The following SETD2 variants were observed in gnomAD, a reference collection of about 807,000 sequenced individuals.
SETD2 encodes histone-lysine N-methyltransferase SETD2.
SETD2 carries 31 observed loss-of-function variants against 242.1 expected under a neutral mutation model. The ratio of observed to expected loss-of-function variants is 0.13; its 90% CI spans 0.10 to 0.17. SETD2 has a LOEUF of 0.17. SETD2 is among the 10% of genes least tolerant of loss of function. The probability of loss-of-function intolerance (pLI) is 1.00; values close to 1 mark genes in which losing one functional copy is unlikely to be tolerated. For missense variants in SETD2, 2,481 were observed against 3,046.3 expected (o/e 0.81, Z 4.37); for synonymous variants, 1,006 against 1,066.5 (o/e 0.94, Z 1.11).
rs1325310351 is a variant in SETD2 at position 47,097,283 on chromosome 3, T to A, written c.5142+672A>T. ...TCCAGCCAGCTGGTTCTAAAGAAAG[T>A]GATCCAAGGATCACATTTTTGAAAA... On this transcript the variant is annotated intron_variant, in intron 9 of 20. Transcript: ENST00000409792. 2.0e-5 allele frequency among the ~76,000 whole-genome samples: 3 copies of A among 152,154 alleles called. No homozygotes were observed. In the East Asian group the frequency reaches 5.8e-4, roughly 29 times the overall value.
chr3:47,061,846 C>A (rs1312161961), intron 14 of SETD2, among the ~76,000 whole-genome samples: 1 of 152,090 alleles, frequency 6.6e-6, no homozygotes, highest in East Asian at 1.9e-4. Flanking sequence ...TAAAGAATAA[C>A]CATTATCTTT....
chr3:47,094,024 C>T (rs1325712184), intron 9 of SETD2, among the ~76,000 whole-genome samples: 1 of 152,128 alleles, frequency 6.6e-6, no homozygotes, highest in Non-Finnish European at 1.5e-5. Context: ...TAGTTACACT[C>T]ATTATGCATA....
intron 12 of SETD2, among the ~76,000 whole-genome samples, chr3:47,075,404 A>G (rs951182222): frequency 2.6e-5 from 4 of 151,130 alleles, no homozygotes; most frequent in African/African-American, 9.7e-5. Context: ...TACTAAAAAT[A>G]CAAAAAGAAA....
intron 10 of SETD2, among the ~76,000 whole-genome samples, chr3:47,087,577 C>T (rs1013940341): frequency 1.3e-5 from 2 of 152,070 alleles, no homozygotes; most frequent in Admixed American, 1.3e-4. Flanking sequence ...ATTGGGGATC[C>T]CTGTACTAAT....
chr3:47,163,797 C>T, intron 1 of SETD2, 57 bp downstream of exon 1: 1 of 1,240,790 alleles, frequency 8.1e-7, no homozygotes, highest in Non-Finnish European at 1.0e-6. Context: ...GACGCGCCGC[C>T]CTCGGCTGGG....
chr3:47,099,505 ATTAG>A (rs2042128347), intron 8 of SETD2, among the ~76,000 whole-genome samples: 1 of 152,214 alleles, frequency 6.6e-6, no homozygotes, highest in South Asian at 2.1e-4. Flanking sequence ...TGAGGCACAC[ATTAG>A]TTGTCTTTTT....
intron 1 of SETD2, among the ~76,000 whole-genome samples, chr3:47,154,957 G>A (rs1235889424): frequency 2.0e-5 from 3 of 151,390 alleles, no homozygotes; most frequent in Non-Finnish European, 4.4e-5. Context: ...TCGCACCACC[G>A]CACTCCAGCC....
At chr3:47,060,242 A>G (rs952411710) in intron 14 of SETD2, among the ~76,000 whole-genome samples, 14 of 152,224 alleles carry the variant, frequency 9.2e-5, no homozygotes, top group Admixed American at 9.2e-4. Flanking sequence ...AGCTTGGGCA[A>G]CAGAGTAAGA....
At chr3:47,116,818 A>G in intron 3 of SETD2, 64 bp from the exon 4 acceptor site, 2 of 1,164,082 alleles carry the variant, frequency 1.7e-6, no homozygotes, top group South Asian at 1.4e-5. Flanking sequence ...TAACATATAT[A>G]ATCAAATATG....
chr3:47,097,930 A>C, intron 9 of SETD2, 25 bp downstream of exon 9: 1 of 1,609,016 alleles, frequency 6.2e-7, no homozygotes, highest in Non-Finnish European at 8.5e-7. Flanking sequence ...TTATTGTGAA[A>C]GTTGAAAGAA....
chr3:47,018,942 C>T (rs1324850729), intron 19 of SETD2, among the ~76,000 whole-genome samples: 2 of 152,234 alleles, frequency 1.3e-5, no homozygotes, highest in African/African-American at 2.4e-5. Context: ...CTGATTCAAG[C>T]GCCCTTCCTG....
chr3:47,158,762 G>A (rs1033032465), intron 1 of SETD2, among the ~76,000 whole-genome samples: 14 of 152,148 alleles, frequency 9.2e-5, no homozygotes, highest in Admixed American at 3.9e-4. Context: ...TAACTCCCAT[G>A]TTTGATCAAG....
intron 15 of SETD2, among the ~76,000 whole-genome samples, chr3:47,053,586 T>C (rs1466455564): frequency 6.6e-6 from 1 of 152,176 alleles, no homozygotes; most frequent in Admixed American, 6.5e-5. Context: ...ACACATTTGC[T>C]CCAAATATTA....
chr3:47,051,897 A>G (rs2039861212), intron 15 of SETD2, among the ~76,000 whole-genome samples: 1 of 152,210 alleles, frequency 6.6e-6, no homozygotes, highest in Non-Finnish European at 1.5e-5. Flanking sequence ...CGGATGTTTA[A>G]GTAAGGCTCA....
At chr3:47,112,115 CT>C (rs11319249) in intron 5 of SETD2, among the ~76,000 whole-genome samples, 74,600 of 128,384 alleles carry the variant, frequency 0.58, 20,012 homozygotes, top group African/African-American at 0.66. Flanking sequence ...ATTAAGAATA[CT>C]TTTTTTTTTT....
At position 47,084,154 on chromosome 3, in the gene SETD2, G is replaced by A. The variant is rs191022158; in HGVS notation, c.5626C>T (p.Leu1876=). The A allele has an allele frequency of 3.1e-6, 5 of 1,614,130 alleles. No individual in the cohort carries two copies. Among genetic ancestry groups the A allele is most frequent in the Admixed American group, 1.7e-5 (1 of 60,004 alleles). Residue 1876 remains leucine (L), a synonymous_variant, in exon 12 of 21, where the codon CTA becomes TTA. Transcript: ENST00000409792. ...ATAATTTTCAGTCTGCGAAACATTAGTTTCTTGGGAGTGTCTGTGTCAGCT... is the reference window on the plus strand; with the variant it reads ...ATAATTTTCAGTCTGCGAAACATTAATTTCTTGGGAGTGTCTGTGTCAGCT... ...TEADTDTPKK[L]MFRRLKIISE...
Position 47,037,646 on chromosome 3 carries a change from C to T in SETD2, c.7350+20G>A, listed in dbSNP as rs1390196386. The T allele has an allele frequency of 2.5e-6, 4 of 1,568,752 alleles. No individual in the cohort carries two copies. The highest frequency in any genetic ancestry group is 1.7e-5 in the Admixed American group (1 of 59,942). On this transcript the variant is annotated intron_variant, in intron 18 of 20. Transcript: ENST00000409792. ...CGGACTCCCAAATGATCAGGAAATACATGTGTAAGCCACACTCACCTTCAT... is the reference window on the plus strand; with the variant it reads ...CGGACTCCCAAATGATCAGGAAATATATGTGTAAGCCACACTCACCTTCAT...
At chr3:47,030,666 G>C (rs536350613) in intron 18 of SETD2, among the ~76,000 whole-genome samples, 80 of 152,052 alleles carry the variant, frequency 5.3e-4, no homozygotes, top group South Asian at 4.2e-4. Flanking sequence ...CAAGACATAT[G>C]GGGGAAAAAG....
intron 17 of SETD2, among the ~76,000 whole-genome samples, 175 bp from the exon 18 acceptor site, chr3:47,037,952 A>T (rs2107529605): frequency 6.6e-6 from 1 of 152,250 alleles, no homozygotes; most frequent in East Asian, 1.9e-4. Flanking sequence ...ATTCTAGCAC[A>T]GAGATATGCC....
Sources: allele counts gnomAD v4.1 joint callset (sites outside exome capture counted in the v4.1 genomes callset), GRCh38; gene constraint gnomAD v4.1.1; transcripts MANE v1.5; gene names NCBI Gene and HGNC (gene_info 2026-07-23, HGNC 2026-07-21).